The following EIF2AK1 variants were observed in gnomAD, a reference collection of about 807,000 sequenced individuals.
The protein encoded by EIF2AK1 is eukaryotic translation initiation factor 2-alpha kinase 1.
Under a neutral mutation model 77.9 loss-of-function variants are expected in EIF2AK1, and 54 were observed. That is an observed-to-expected ratio of 0.69 (90% CI 0.56 to 0.87). The LOEUF is 0.87. Ranked by LOEUF, EIF2AK1 falls within the 40% of genes least tolerant of loss-of-function variation. The pLI is 0.00. For missense variants in EIF2AK1, 810 were observed against 768.6 expected (o/e 1.05, Z -0.64); for synonymous variants, 314 against 290.5 (o/e 1.08, Z -0.82).
At chr7:6,024,964 A>G (rs1787697923) in intron 14 of EIF2AK1, among the ~76,000 whole-genome samples, 163 bp from the exon 15 acceptor site, 2 of 151,122 alleles carry the variant, frequency 1.3e-5, no homozygotes, top group Admixed American at 6.6e-5. Flanking sequence ...TCAGCCACCC[A>G]AGTAGCTGGG....
Position 6,027,157 on chromosome 7 carries a change from G to A in EIF2AK1, c.1531-196C>T, listed in dbSNP as rs1787770923. 6.6e-6 allele frequency among the ~76,000 whole-genome samples: 1 copy of A among 152,168 alleles called. No homozygotes were observed. The highest frequency in any genetic ancestry group is 2.4e-5 in the African/African-American group (1 of 41,426). On this transcript the variant is annotated intron_variant, in intron 13 of 14. Coordinates refer to ENST00000199389, the MANE Select transcript of EIF2AK1 (RefSeq NM_014413.4). This position sits in a 1 kb window ranked among gnomAD's most constrained non-coding sequence, Gnocchi z 4.5. ...CAACCTCAAAAAGGGGCATCCGTGG[G>A]CACGCAGAATGGATGGTCAGGTGGA...
At position 6,044,616 on chromosome 7, in the gene EIF2AK1, T is replaced by C. The variant is rs1354511588; in HGVS notation, c.676A>G (p.Ile226Val). The C allele has an allele frequency of 6.2e-7, 1 of 1,613,938 alleles. No individual in the cohort carries two copies. Among genetic ancestry groups the C allele is most frequent in the South Asian group, 1.1e-5 (1 of 91,056 alleles). The change falls in exon 7 of 15, where the codon ATT becomes GTT. Residue 226 changes from isoleucine (I) to valine (V), a missense_variant. Physicochemically the swap from Ile to Val is conservative, Grantham distance 29 (BLOSUM62 3). Around this residue, in one of 3 missense-constraint regions of EIF2AK1, gnomAD observed 549 missense variants for 533.7 expected, o/e 1.03. Transcript: ENST00000199389. ...KVLAGLQHPN[I>V]VGYHTAWIEH... ...ATCCACGCGGTGTGATAGCCAACAA[T>C]ATTGGGGTGCTGAAGACCTGCCAGC...
rs1787767237 is a variant in EIF2AK1 at position 6,027,014 on chromosome 7, C to A, written c.1531-53G>T. The A allele has an allele frequency of 6.8e-7, 1 of 1,466,176 alleles. No individual in the cohort carries two copies. The highest frequency in any genetic ancestry group is 9.5e-7 in the Non-Finnish European group (1 of 1,053,824). The allele number at this position is 1,466,176 out of a possible 1,614,324, so 90.8% of individuals were successfully genotyped here. On this transcript the variant is annotated intron_variant, in intron 13 of 14. Transcript: ENST00000199389. This position sits in a 1 kb window ranked among gnomAD's most constrained non-coding sequence, Gnocchi z 4.5. ...GTAGTGAAATACAAAGTTAGAAGAACGTTTCCATTTCCGTGTTCCACCCTC... is the reference window on the plus strand; with the variant it reads ...GTAGTGAAATACAAAGTTAGAAGAAAGTTTCCATTTCCGTGTTCCACCCTC...
Position 6,026,735 on chromosome 7 carries a change from G to T in EIF2AK1, c.1757C>A (p.Ser586Tyr). The T allele has an allele frequency of 3.1e-6, 5 of 1,613,452 alleles. No homozygotes were observed. The highest frequency in any genetic ancestry group is 4.2e-6 in the Non-Finnish European group (5 of 1,179,374). The change falls in exon 14 of 15, where the codon TCT (serine) becomes TAT (tyrosine). Residue 586 changes from serine to tyrosine, a missense_variant. By Grantham distance (144) the Ser-to-Tyr change is moderately radical. Transcript: ENST00000199389. The part of the protein sequence containing the change: ...QLLQSELFQN[S>Y]GNVNLTLQMK... Reference sequence around the variant, plus strand: ...AGAAAGAAAAGCACATACATTTCCAGAATTTTGGAAAAGTTCACTCTGCAG... The same window carrying T: ...AGAAAGAAAAGCACATACATTTCCATAATTTTGGAAAAGTTCACTCTGCAG...
chr7:6,056,307 A>AG (rs1181041721), intron 1 of EIF2AK1, among the ~76,000 whole-genome samples: 1 of 147,464 alleles, frequency 6.8e-6, no homozygotes, highest in African/African-American at 2.5e-5. Context: ...AAAAAAAAAA[A>AG]AAAAAGGCCG....
Position 6,029,030 on chromosome 7 carries a change from T to C in EIF2AK1, c.1335A>G (p.Pro445=), listed in dbSNP as rs147336712. The part of the protein sequence containing the change: ...NMGIVHRDLK[P]RNIFLHGPDQ... ...CAGGGCCATGAAGAAAAATATTTCT[T>C]GGCTATCAACAAACAAAACAAGTCA... Residue 445 remains proline, a splice_region_variant and synonymous_variant, in exon 12 of 15, where the codon CCA becomes CCG. Transcript: ENST00000199389. The C allele has an allele frequency of 1.9e-6, 3 of 1,608,490 alleles. No homozygotes were observed. In the African/African-American group the frequency reaches 4.0e-5, roughly 22 times the overall value.
chr7:6,041,328 C>T, intron 8 of EIF2AK1, 109 bp from the exon 9 acceptor site: 1 of 1,157,164 alleles, frequency 8.6e-7, no homozygotes, highest in Non-Finnish European at 1.2e-6. Flanking sequence ...CACTTAAGGT[C>T]AGGAGTTGGA....
Position 6,033,885 on chromosome 7 carries a change from G to C in EIF2AK1, c.1332+3539C>G, listed in dbSNP as rs1787987408. ...TGCCTGGCCGACAATGGATTTTCTTGTTTATTACTCTCCACTAGAAGGTAA... is the reference window on the plus strand; with the variant it reads ...TGCCTGGCCGACAATGGATTTTCTTCTTTATTACTCTCCACTAGAAGGTAA... On this transcript the variant is annotated intron_variant, in intron 11 of 14. Transcript: ENST00000199389. This position sits in a 1 kb window ranked among gnomAD's most constrained non-coding sequence, Gnocchi z 4.4. Among the ~76,000 whole-genome samples the C allele has an allele frequency of 6.6e-6, 1 of 151,916 alleles. No individual in the cohort carries two copies. Among genetic ancestry groups the C allele is most frequent in the South Asian group, 2.1e-4 (1 of 4,808 alleles).
At chr7:6,026,485 A>G in intron 14 of EIF2AK1, 1 of 663,708 alleles carries the variant, frequency 1.5e-6, no homozygotes. Context: ...CTTTGTGAAC[A>G]CCAGCAGATA....
At chr7:6,049,088 C>G (rs868394621) in intron 3 of EIF2AK1, among the ~76,000 whole-genome samples, 5 of 152,156 alleles carry the variant, frequency 3.3e-5, no homozygotes, top group Middle Eastern at 3.2e-3. Context: ...CCCCTCCTGC[C>G]TGCCCACCTC....
In EIF2AK1 at chr7:6,037,450, T is replaced by C; in HGVS notation, c.1306A>G (p.Met436Val). The change falls in exon 11 of 15, where the codon ATG becomes GTG. Residue 436 changes from methionine to valine, a missense_variant. Met to Val is a conservative substitution (Grantham distance 21). Coordinates refer to ENST00000199389, the MANE Select transcript of EIF2AK1 (RefSeq NM_014413.4). ...TTCAGATCTCGGTGCACAATTCCCATGTTATGTATGTAAAACACACCTTCT... is the reference window on the plus strand; with the variant it reads ...TTCAGATCTCGGTGCACAATTCCCACGTTATGTATGTAAAACACACCTTCT... The part of the protein sequence containing the change: ...LVEGVFYIHN[M>V]GIVHRDLKPR... The C allele has an allele frequency of 2.5e-6, 4 of 1,613,078 alleles. No homozygotes were observed. Among genetic ancestry groups the C allele is most frequent in the Non-Finnish European group, 3.4e-6 (4 of 1,179,390 alleles).
In EIF2AK1 at chr7:6,041,132, T is replaced by C. The variant is rs1186415846; in HGVS notation, c.879A>G (p.Gly293=). Residue 293 remains glycine (G), a synonymous_variant, in exon 9 of 15, where the codon GGA becomes GGG. Coordinates refer to ENST00000199389, the MANE Select transcript of EIF2AK1 (RefSeq NM_014413.4). ...EPTPEKEKRF[G]ESDTENQNNK... ...TATTCTGATTTTCAGTGTCAGATTC[T>C]CCAAAGCGTTTTTCTTTTTCTGGGG... 1.2e-6 allele frequency: 2 copies of C among 1,614,080 alleles called. No homozygotes were observed. Among genetic ancestry groups the C allele is most frequent in the Non-Finnish European group, 8.5e-7 (1 of 1,180,022 alleles).
chr7:6,031,465 G>C, intron 11 of EIF2AK1: 1 of 1,550,696 alleles, frequency 6.4e-7, no homozygotes, highest in Non-Finnish European at 8.7e-7. Flanking sequence ...CACTTCACTC[G>C]AAACTCTATG....
In EIF2AK1 at chr7:6,023,389, T is replaced by C; in HGVS notation, c.*1284A>G. 1 of 1,614,188 alleles carries C rather than the reference T, an allele frequency of 6.2e-7. No individual in the cohort carries two copies. ...CATTGCACGTTTCTTGTTCTCTCTG[T>C]TTGGCCAGAAGCATAATGCTGTCAA... On this transcript the variant is annotated 3_prime_UTR_variant, in exon 15 of 15. Coordinates refer to ENST00000199389, the MANE Select transcript of EIF2AK1 (RefSeq NM_014413.4).
At chr7:6,048,923 A>T in intron 3 of EIF2AK1, 79 bp from the exon 4 acceptor site, 1 of 940,882 alleles carries the variant, frequency 1.1e-6, no homozygotes, top group Non-Finnish European at 1.6e-6. Context: ...TCAATATCAC[A>T]TTAACAACCC....
intron 11 of EIF2AK1, among the ~76,000 whole-genome samples, chr7:6,037,007 C>T (rs1448844310): frequency 6.6e-6 from 1 of 152,068 alleles, no homozygotes; most frequent in African/African-American, 2.4e-5. Context: ...ATGGGAGGAT[C>T]ACTTGAGCCC....
At chr7:6,026,190 T>G (rs1410247120) in intron 14 of EIF2AK1, among the ~76,000 whole-genome samples, 1 of 151,376 alleles carries the variant, frequency 6.6e-6, no homozygotes, top group African/African-American at 2.4e-5. Context: ...CCCAATAGAG[T>G]GCTGAACTCA....
chr7:6,027,969 G>A lies in EIF2AK1; in HGVS notation c.1530+646C>T. 2.2e-6 allele frequency: 1 copy of A among 453,784 alleles called. No individual in the cohort carries two copies. The highest frequency in any genetic ancestry group is 1.6e-5 in the South Asian group (1 of 64,282). 28.1% of individuals were successfully genotyped at this position (453,784 alleles called of 1,614,324 possible). ...TCACAGTTACATGGGAGGCTGAGGT[G>A]GGAGGATCACTTGAGCCCAGGAGTT... On this transcript the variant is annotated intron_variant, in intron 13 of 14. Transcript: ENST00000199389. This position sits in a 1 kb window ranked among gnomAD's most constrained non-coding sequence, Gnocchi z 4.5.
intron 2 of EIF2AK1, among the ~76,000 whole-genome samples, chr7:6,051,049 G>A (rs1316777206): frequency 1.3e-5 from 2 of 152,172 alleles, no homozygotes; most frequent in Non-Finnish European, 2.9e-5. Context: ...CTGTTAGGCA[G>A]TAAGAGAAGA....
Sources: allele counts gnomAD v4.1 joint callset (sites outside exome capture counted in the v4.1 genomes callset), GRCh38; gene constraint gnomAD v4.1.1; regional missense constraint gnomAD v4.1.1; non-coding constraint Gnocchi (gnomAD v3.1); transcripts MANE v1.5; gene names NCBI Gene and HGNC (gene_info 2026-07-23, HGNC 2026-07-21).